The following LRIF1 variants were observed in gnomAD, a reference collection of about 807,000 sequenced individuals.
LRIF1 encodes the protein ligand-dependent nuclear receptor-interacting factor 1.
In LRIF1, 32 loss-of-function variants were observed where a neutral mutation model predicts 52.7. The observed-to-expected ratio is 0.61, with a 90% CI of 0.46 to 0.82. The LOEUF (loss-of-function observed/expected upper bound fraction) is 0.82. Among genes scored for constraint, LRIF1 ranks in the 40% least tolerant of loss-of-function variants. The probability of loss-of-function intolerance (pLI) is 0.00; values close to 1 mark genes in which losing one functional copy is unlikely to be tolerated. For synonymous variants in LRIF1, 323 were observed against 317.4 expected (o/e 1.02, Z -0.19); for missense variants, 887 against 892.0 (o/e 0.99, Z 0.07).
chr1:110,895,359 A>C, the LRIF1 span, among the ~76,000 whole-genome samples: 1 of 152,240 alleles, frequency 6.6e-6, no homozygotes, highest in Admixed American at 6.5e-5. Context: ...CCAAAATTTT[A>C]CTGAAAACAG....
the LRIF1 span, among the ~76,000 whole-genome samples, chr1:110,888,179 C>T: frequency 6.6e-6 from 1 of 152,230 alleles, no homozygotes; most frequent in Non-Finnish European, 1.5e-5. Flanking sequence ...TGAATGTATA[C>T]TTCTGACCTT....
the LRIF1 span, among the ~76,000 whole-genome samples, chr1:110,916,242 A>G: frequency 2.6e-5 from 4 of 152,176 alleles, no homozygotes; most frequent in Non-Finnish European, 1.5e-5. Flanking sequence ...TATAAACAAC[A>G]ATAATAATAT....
chr1:110,951,279 G>A lies in LRIF1; in HGVS notation c.1596+9C>T, dbSNP rs759921654. The A allele has an allele frequency of 1.1e-5, 18 of 1,597,344 alleles. No individual in the cohort carries two copies. Among genetic ancestry groups the A allele is most frequent in the Non-Finnish European group, 1.4e-5 (16 of 1,173,564 alleles). On this transcript the variant is annotated intron_variant, in intron 2 of 3. Coordinates refer to ENST00000369763, the MANE Select transcript of LRIF1 (RefSeq NM_018372.4). ...ATATAAAAAGAGCACCCTGACATGG[G>A]AAAATTACCTTTGGTTCTTGGTCTC...
chr1:110,932,421 C>T, the LRIF1 span, among the ~76,000 whole-genome samples: 1 of 152,110 alleles, frequency 6.6e-6, no homozygotes, highest in Admixed American at 6.5e-5. Context: ...TAGCGTGATG[C>T]CTCCAGCTTT....
the LRIF1 span, among the ~76,000 whole-genome samples, chr1:110,890,160 G>A: frequency 6.6e-6 from 1 of 152,114 alleles, no homozygotes. Context: ...ACTGGAAAAG[G>A]CATAATTTTA....
At chr1:110,960,773 C>A (rs1472130576) in intron 1 of LRIF1, among the ~76,000 whole-genome samples, 4 of 152,186 alleles carry the variant, frequency 2.6e-5, no homozygotes, top group Admixed American at 2.6e-4. Flanking sequence ...TTCTATATTT[C>A]TTTGAATCCA....
the LRIF1 span, among the ~76,000 whole-genome samples, chr1:110,876,144 T>G: frequency 6.6e-6 from 1 of 152,212 alleles, no homozygotes. Flanking sequence ...GTATCTTAAC[T>G]CACAATGAGA....
Position 110,948,265 on chromosome 1 carries a change from A to C in LRIF1, c.2004T>G (p.Ser668Arg). The C allele has an allele frequency of 6.2e-7, 1 of 1,614,088 alleles. No individual in the cohort carries two copies. Among genetic ancestry groups the C allele is most frequent in the Non-Finnish European group, 8.5e-7 (1 of 1,179,996 alleles). ...GTGACACATCTGAAGTTGGTAAAATACTGCTTAGGAGTTGGGAACCGGTGA... is the reference window on the plus strand; with the variant it reads ...GTGACACATCTGAAGTTGGTAAAATCCTGCTTAGGAGTTGGGAACCGGTGA... ...ANVTGSQLLSSILPTSDVSQH... is the reference protein window; with the variant it reads ...ANVTGSQLLSRILPTSDVSQH... The change falls in exon 4 of 4, where the codon AGT becomes AGG. Residue 668 changes from serine (S) to arginine (R), a missense_variant. Ser to Arg is a moderately radical substitution (Grantham distance 110, BLOSUM62 -1). Coordinates refer to ENST00000369763, the MANE Select transcript of LRIF1 (RefSeq NM_018372.4).
the LRIF1 span, among the ~76,000 whole-genome samples, chr1:110,909,650 G>C: frequency 6.9e-6 from 1 of 145,138 alleles, no homozygotes; most frequent in South Asian, 2.2e-4. Flanking sequence ...GCGCGATCTC[G>C]GCTTACCGCA....
At chr1:110,907,126 C>T in the LRIF1 span, among the ~76,000 whole-genome samples, 1 of 152,074 alleles carries the variant, frequency 6.6e-6, no homozygotes, top group Non-Finnish European at 1.5e-5. Context: ...CTTCTAGCAG[C>T]CTAAGGTCGT....
At position 110,950,015 on chromosome 1, in the gene LRIF1, C is replaced by T; in HGVS notation, c.1705G>A (p.Glu569Lys). The T allele has an allele frequency of 6.2e-7, 1 of 1,614,132 alleles. No homozygotes were observed. The highest frequency in any genetic ancestry group is 8.5e-7 in the Non-Finnish European group (1 of 1,180,014). ...NKALHLKSDA[E>K]FKKIFGLTKD... ...GTAAGGCCAAATATCTTTTTAAATT[C>T]AGCATCACTCTTCAGATGTAATGCC... Residue 569 changes from glutamate to lysine, a missense_variant, in exon 3 of 4, where the codon GAA (glutamate) becomes AAA (lysine). Physicochemically the swap from Glu to Lys is moderately conservative, Grantham distance 56 (BLOSUM62 1). Transcript: ENST00000369763.
the LRIF1 span, among the ~76,000 whole-genome samples, chr1:110,915,444 C>T: frequency 1.3e-5 from 2 of 152,020 alleles, no homozygotes; most frequent in Non-Finnish European, 2.9e-5. Flanking sequence ...GCCGAGATAG[C>T]GCCAATGCAC....
the LRIF1 span, among the ~76,000 whole-genome samples, chr1:110,879,544 C>T: frequency 1.3e-5 from 2 of 152,102 alleles, no homozygotes; most frequent in African/African-American, 4.8e-5. Context: ...TAGCATATAA[C>T]AGGTTTTTCT....
the LRIF1 span, among the ~76,000 whole-genome samples, chr1:110,908,333 A>G: frequency 6.6e-6 from 1 of 152,230 alleles, no homozygotes; most frequent in Non-Finnish European, 1.5e-5. Context: ...TAACTCCAGC[A>G]ACTCTGAAAG....
At chr1:110,950,159 G>A in intron 2 of LRIF1, 36 bp from the exon 3 acceptor site, 1 of 1,560,936 alleles carries the variant, frequency 6.4e-7, no homozygotes, top group Non-Finnish European at 8.6e-7. Flanking sequence ...AAACAATACT[G>A]CTAATTATTC....
At chr1:110,895,817 GTCATC>G in the LRIF1 span, among the ~76,000 whole-genome samples, 1 of 152,100 alleles carries the variant, frequency 6.6e-6, no homozygotes, top group Non-Finnish European at 1.5e-5. Flanking sequence ...ATTTTCCAGT[GTCATC>G]TCATCTAATT....
the LRIF1 span, among the ~76,000 whole-genome samples, chr1:110,902,517 A>AAAAAAAAAAAAAG: frequency 9.2e-4 from 96 of 104,580 alleles, 1 homozygote; most frequent in Non-Finnish European, 1.5e-3. Context: ...AAAAAAAAAA[A>AAAAAAAAAAAAAG]AAAGAAATAC....
chr1:110,926,808 A>G, the LRIF1 span, among the ~76,000 whole-genome samples: 1 of 152,206 alleles, frequency 6.6e-6, no homozygotes, highest in Admixed American at 6.5e-5. Flanking sequence ...AGGATCAAGA[A>G]TGTCAAGATA....
downstream of LRIF1, among the ~76,000 whole-genome samples, chr1:110,942,745 T>G (rs1322293282): frequency 6.6e-6 from 1 of 152,076 alleles, no homozygotes; most frequent in African/African-American, 2.4e-5. Flanking sequence ...TTAACTAAGA[T>G]ACAGAAGATC....
Sources: allele counts gnomAD v4.1 joint callset (sites outside exome capture counted in the v4.1 genomes callset), GRCh38; gene constraint gnomAD v4.1.1; transcripts MANE v1.5; gene names NCBI Gene and HGNC (gene_info 2026-07-23, HGNC 2026-07-21).